Variants in TDRD9 observed in about 807,000 individuals in gnomAD.
The protein encoded by TDRD9 is tudor domain containing 9.
TDRD9 carries 124 observed loss-of-function variants against 172.6 expected under a neutral mutation model. That is an observed-to-expected ratio of 0.72 (90% CI 0.62 to 0.83). TDRD9 has a LOEUF of 0.83. Among genes scored for constraint, TDRD9 ranks in the 40% least tolerant of loss-of-function variants. The pLI, the probability that TDRD9 is intolerant of heterozygous loss-of-function variation, is 0.00. For synonymous variants in TDRD9, 619 were observed against 617.1 expected (o/e 1.00, Z -0.05); for missense variants, 1,479 against 1,714.1 (o/e 0.86, Z 2.42).
chr14:103,933,520 T>C (rs1190664255), intron 1 of TDRD9, among the ~76,000 whole-genome samples: 1 of 152,186 alleles, frequency 6.6e-6, no homozygotes, highest in Non-Finnish European at 1.5e-5. Flanking sequence ...GATTACTTTC[T>C]TCTAGTTCCC....
intron 9 of TDRD9, 93 bp downstream of exon 9, chr14:103,991,317 C>T (rs1217959932): frequency 4.6e-6 from 6 of 1,300,152 alleles, no homozygotes; most frequent in Admixed American, 2.1e-5. Context: ...ATGGTATTCT[C>T]CATAGGACTT....
chr14:104,001,632 C>T (rs141700746), intron 13 of TDRD9, among the ~76,000 whole-genome samples: 63 of 152,228 alleles, frequency 4.1e-4, no homozygotes, highest in African/African-American at 1.3e-3. Context: ...TGTTTTGACA[C>T]GGAGTCTCAC....
At chr14:104,006,611 A>G (rs184658387) in intron 16 of TDRD9, 35 bp from the exon 17 acceptor site, 429 of 1,612,988 alleles carry the variant, frequency 2.7e-4, no homozygotes, top group Non-Finnish European at 3.4e-4. Context: ...CACTCTCACA[A>G]TCTTACATTC....
At position 104,026,953 on chromosome 14, in the gene TDRD9, C is replaced by T; in HGVS notation, c.3282+14C>T. 1.2e-6 allele frequency: 2 copies of T among 1,610,116 alleles called. No individual in the cohort carries two copies. Among genetic ancestry groups the T allele is most frequent in the South Asian group, 2.2e-5 (2 of 90,990 alleles). On this transcript the variant is annotated intron_variant, in intron 28 of 35. Transcript: ENST00000409874. ...TACGAGTCCAAGGTGTGTGCTTTCG[C>T]CGTTGCTGGAGCACGCGTTTGTGTG...
rs1246994699 is a variant in TDRD9 at position 104,018,109 on chromosome 14, C to T, written c.2349C>T (p.Pro783=). ...TTTTACAGTTGAAACACATTCCTCCCTATGGATTTCTTTACTATAAACAAC... is the reference window on the plus strand; with the variant it reads ...TTTTACAGTTGAAACACATTCCTCCTTATGGATTTCTTTACTATAAACAAC... ...KTTVVLKHIP[P]YGFLYYKQLQ... Residue 783 remains proline (P), a synonymous_variant, in exon 23 of 36, where the codon CCC becomes CCT. Coordinates refer to ENST00000409874, the MANE Select transcript of TDRD9 (RefSeq NM_153046.3). 6.3e-7 allele frequency: 1 copy of T among 1,599,290 alleles called. No individual in the cohort carries two copies. The highest frequency in any genetic ancestry group is 1.3e-5 in the African/African-American group (1 of 74,778).
At chr14:104,009,087 C>G (rs984523887) in intron 20 of TDRD9, among the ~76,000 whole-genome samples, 1 of 152,212 alleles carries the variant, frequency 6.6e-6, no homozygotes, top group Admixed American at 6.5e-5. Flanking sequence ...CACTACACGC[C>G]TAGGCTGTAT....
chr14:103,950,279 A>C (rs2031804341), intron 1 of TDRD9, among the ~76,000 whole-genome samples: 1 of 150,732 alleles, frequency 6.6e-6, no homozygotes, highest in Non-Finnish European at 1.5e-5. Flanking sequence ...TAGTAGAGAC[A>C]GGGTTTCTCC....
chr14:103,943,515 C>CTT (rs71462605), intron 1 of TDRD9, among the ~76,000 whole-genome samples: 33 of 133,280 alleles, frequency 2.5e-4, no homozygotes, highest in Non-Finnish European at 4.2e-4. Context: ...ACATACATTT[C>CTT]TTTTTTTTTT....
At chr14:103,937,018 G>A (rs977214752) in intron 1 of TDRD9, among the ~76,000 whole-genome samples, 17 of 152,182 alleles carry the variant, frequency 1.1e-4, no homozygotes, top group African/African-American at 4.1e-4. Context: ...TTTGAAGCCA[G>A]GAGTTCAAGG....
At chr14:103,979,440 T>A (rs2033383480) in intron 7 of TDRD9, among the ~76,000 whole-genome samples, 1 of 152,200 alleles carries the variant, frequency 6.6e-6, no homozygotes, top group South Asian at 2.1e-4. Context: ...TGGCCTCTGC[T>A]CAGGGAGCTG....
Position 103,928,699 on chromosome 14 carries a change from GC to G in TDRD9, c.193del (p.Arg65GlyfsTer17). On this transcript the variant is annotated frameshift_variant, in exon 1 of 36. Coordinates refer to ENST00000409874, the MANE Select transcript of TDRD9 (RefSeq NM_153046.3). LOFTEE classifies it high-confidence loss of function. ...AQAPALAQAP[A>X]RPAAAFERSL... Reference sequence around the variant, plus strand: ...GGCTCCGGCTCTGGCCCAAGCTCCGGCCCGGCCGGCCGCTGCGTTCGAAAGG... The same window carrying G: ...GGCTCCGGCTCTGGCCCAAGCTCCGGCCGGCCGGCCGCTGCGTTCGAAAGG... 8.4e-7 allele frequency: 1 copy of G among 1,189,830 alleles called. No individual in the cohort carries two copies. Among genetic ancestry groups the G allele is most frequent in the Non-Finnish European group, 1.0e-6 (1 of 952,796 alleles). 73.7% of individuals were successfully genotyped at this position (1,189,830 alleles called of 1,614,324 possible).
intron 1 of TDRD9, among the ~76,000 whole-genome samples, chr14:103,937,729 T>C (rs1056091003): frequency 6.6e-6 from 1 of 152,204 alleles, no homozygotes; most frequent in Admixed American, 6.5e-5. Flanking sequence ...TGATGAAATG[T>C]TTGAAGAATT....
intron 32 of TDRD9, among the ~76,000 whole-genome samples, chr14:104,037,254 C>T (rs1407764776): frequency 1.3e-5 from 2 of 152,192 alleles, no homozygotes; most frequent in Non-Finnish European, 2.9e-5. Flanking sequence ...AAGCCCACAG[C>T]TCCTGCGAGC....
chr14:103,973,346 A>G (rs1369895650), intron 6 of TDRD9, among the ~76,000 whole-genome samples: 3 of 152,160 alleles, frequency 2.0e-5, no homozygotes, highest in South Asian at 2.1e-4. Flanking sequence ...GCACGGGCAC[A>G]TGGGCTTTAA....
At chr14:104,027,559 T>G (rs1023807929) in intron 28 of TDRD9, among the ~76,000 whole-genome samples, 14 of 152,216 alleles carry the variant, frequency 9.2e-5, no homozygotes, top group African/African-American at 3.4e-4. Context: ...AGGCCACTTC[T>G]TTTTCCTTTT....
intron 34 of TDRD9, among the ~76,000 whole-genome samples, chr14:104,049,019 G>T (rs2035862164): frequency 6.6e-6 from 1 of 152,084 alleles, no homozygotes. Flanking sequence ...CTGGCAGTTT[G>T]TCATGAATGA....
chr14:103,996,040 G>T (rs74086988), intron 12 of TDRD9, among the ~76,000 whole-genome samples: 6 of 152,148 alleles, frequency 3.9e-5, no homozygotes, highest in African/African-American at 1.4e-4. Flanking sequence ...GAAGTGTTTG[G>T]GGTGTTCCAC....
At chr14:103,953,765 A>G (rs1293444319) in intron 1 of TDRD9, among the ~76,000 whole-genome samples, 1 of 152,178 alleles carries the variant, frequency 6.6e-6, no homozygotes, top group Non-Finnish European at 1.5e-5. Context: ...GTCCCAGGGC[A>G]GGAGAGACTG....
chr14:104,024,700 G>GCTTTTC lies in TDRD9; in HGVS notation c.2718+24_2718+29dup. On this transcript the variant is annotated intron_variant, in intron 25 of 35. Transcript: ENST00000409874. Reference sequence around the variant, plus strand: ...ACAGAGGTAAGGATGAAGTAATTGAGCTTTTCCTTCTTCTTAATCTAAAAT... The same window carrying GCTTTTC: ...ACAGAGGTAAGGATGAAGTAATTGAGCTTTTCCTTTTCCTTCTTCTTAATCTAAAAT... The GCTTTTC allele has an allele frequency of 1.4e-6, 2 of 1,408,714 alleles. No individual in the cohort carries two copies. Among genetic ancestry groups the GCTTTTC allele is most frequent in the South Asian group, 2.4e-5 (2 of 84,298 alleles). The allele number at this position is 1,408,714 out of a possible 1,614,324, so 87.3% of individuals were successfully genotyped here.
Sources: gnomAD v4.1 joint callset for allele counts (sites outside exome capture counted in the v4.1 genomes callset) on GRCh38, gnomAD v4.1.1 for gene constraint, MANE v1.5 for transcripts, NCBI Gene and HGNC (gene_info 2026-07-23, HGNC 2026-07-21) for gene names.